The following DNAH3 variants were observed in gnomAD, a reference collection of about 807,000 sequenced individuals.
The protein encoded by DNAH3 is dynein axonemal heavy chain 3, also known as axonemal beta dynein heavy chain 3.
DNAH3 carries 332 observed loss-of-function variants against 432.5 expected under a neutral mutation model. The ratio of observed to expected loss-of-function variants is 0.77; its 90% CI spans 0.70 to 0.84. DNAH3 has a LOEUF of 0.84. Ranked by LOEUF, DNAH3 falls within the 40% of genes least tolerant of loss-of-function variation. DNAH3 has a pLI of 0.00. For synonymous variants in DNAH3, 1,956 were observed against 1,900.2 expected, an observed-to-expected ratio of 1.03 and a Z score of -0.76; for missense variants, 4,861 against 5,114.0, an observed-to-expected ratio of 0.95 and a Z score of 1.51.
intron 48 of DNAH3, among the ~76,000 whole-genome samples, chr16:20,983,251 G>A (rs2086002185): frequency 6.6e-6 from 1 of 152,054 alleles, no homozygotes; most frequent in Non-Finnish European, 1.5e-5. Context: ...TCAGCTTCCT[G>A]AGTAGCTGGG....
exon 3 of DNAH3, chr16:21,145,398 C>T: frequency 6.2e-7 from 1 of 1,613,880 alleles, no homozygotes; most frequent in Non-Finnish European, 8.5e-7. Flanking sequence ...AGCTGTGTGA[C>T]ATGACAGTCT....
chr16:20,961,651 G>A (rs1404773589), intron 53 of DNAH3, among the ~76,000 whole-genome samples: 1 of 151,674 alleles, frequency 6.6e-6, no homozygotes, highest in East Asian at 1.9e-4. Flanking sequence ...GACATAGGGA[G>A]AAGATGACCA....
chr16:21,132,051 A>T (rs2092572294), intron 7 of DNAH3, among the ~76,000 whole-genome samples: 2 of 152,150 alleles, frequency 1.3e-5, no homozygotes, highest in East Asian at 3.9e-4. Context: ...CTTTTTTCTC[A>T]ATGTCCTGAC....
intron 5 of DNAH3, among the ~76,000 whole-genome samples, chr16:21,136,852 A>G (rs2092649777): frequency 6.6e-6 from 1 of 152,042 alleles, no homozygotes; most frequent in Admixed American, 6.6e-5. Context: ...GAGGAATAAC[A>G]GGCCAGGTGT....
At chr16:21,136,387 G>C (rs770254435) in exon 6 of DNAH3, 1 of 1,613,940 alleles carries the variant, frequency 6.2e-7, no homozygotes, top group Non-Finnish European at 8.5e-7. Flanking sequence ...ACCACCATCA[G>C]GGGCTCCAGG....
chr16:21,040,135 C>T (rs181289325), intron 32 of DNAH3, among the ~76,000 whole-genome samples, 192 bp from the exon 33 acceptor site: 64 of 152,182 alleles, frequency 4.2e-4, no homozygotes, highest in African/African-American at 1.5e-3. Context: ...CTCAACCAAC[C>T]TCCCCACTGG....
In DNAH3 at chr16:21,106,689, C is replaced by A. The variant is rs759709877; in HGVS notation, c.2100-15G>T. The A allele has an allele frequency of 2.0e-6, 3 of 1,464,646 alleles. No homozygotes were observed. The highest frequency in any genetic ancestry group is 2.8e-6 in the Non-Finnish European group (3 of 1,087,738). The allele number at this position is 1,464,646 out of a possible 1,614,324, so 90.7% of individuals were successfully genotyped here. A position where few individuals can be genotyped will look rare whatever the true frequency, so the allele number is the denominator to read the frequency against. The stretch of plus-strand genomic sequence containing the variant: ...GATTACAAATGCTACAGAAAAGAAA[C>A]AGCCATTGTTATCATCATCATCATC... On this transcript the variant is annotated splice_polypyrimidine_tract_variant and intron_variant, in intron 14 of 61. Coordinates refer to ENST00000261383, the Ensembl canonical transcript of DNAH3.
chr16:20,949,034 G>T (rs113893989), intron 56 of DNAH3, among the ~76,000 whole-genome samples: 1 of 151,948 alleles, frequency 6.6e-6, no homozygotes, highest in Non-Finnish European at 1.5e-5. Flanking sequence ...TCCCTTTCCC[G>T]CTGAGAGCCA....
chr16:21,140,056 A>C (rs1407376570), intron 5 of DNAH3, among the ~76,000 whole-genome samples: 1 of 151,896 alleles, frequency 6.6e-6, no homozygotes, highest in Non-Finnish European at 1.5e-5. Context: ...AAGTGCTGGG[A>C]TTACAGGTGT....
intron 1 of DNAH3, among the ~76,000 whole-genome samples, chr16:21,148,434 TA>T (rs1483319506): frequency 8.2e-5 from 12 of 145,784 alleles, no homozygotes; most frequent in African/African-American, 3.1e-4. Flanking sequence ...TTATTATTAT[TA>T]TTATTTATTT....
chr16:21,010,382 G>A (rs1390583952), intron 41 of DNAH3, among the ~76,000 whole-genome samples: 1 of 152,110 alleles, frequency 6.6e-6, no homozygotes. Flanking sequence ...GGAAAATGAG[G>A]TAAACTTTTC....
In DNAH3 at chr16:21,045,226, T is replaced by C. The variant is rs1039541638; in HGVS notation, c.4462-3023A>G. Among the ~76,000 whole-genome samples the C allele has an allele frequency of 2.4e-3, 362 of 151,888 alleles. 1 individual carries two copies. The highest frequency in any genetic ancestry group is 8.2e-3 in the African/African-American group (342 of 41,508). ...GGAGGATTCCCTCTTTTTCTATTGA[T>C]TGGAATGGTTTCAGAAGGAATGGTA... On this transcript the variant is annotated intron_variant, in intron 31 of 61. Transcript: ENST00000261383.
intron 21 of DNAH3, among the ~76,000 whole-genome samples, chr16:21,072,246 AAT>A: frequency 8.2e-6 from 1 of 122,674 alleles, no homozygotes; most frequent in Non-Finnish European, 1.7e-5. Flanking sequence ...AATTAATTTT[AAT>A]TTTATTATTA....
intron 51 of DNAH3, among the ~76,000 whole-genome samples, chr16:20,973,528 C>T (rs1414092262): frequency 1.3e-5 from 2 of 152,222 alleles, no homozygotes; most frequent in African/African-American, 4.8e-5. Flanking sequence ...GCTGGGATTA[C>T]AGGCATGAGC....
At chr16:20,977,395 C>CA (rs2085645307) in intron 50 of DNAH3, among the ~76,000 whole-genome samples, 1 of 152,060 alleles carries the variant, frequency 6.6e-6, no homozygotes, top group South Asian at 2.1e-4. Context: ...CAAAAACAAA[C>CA]AAACAAACAA....
chr16:21,100,885 G>A (rs768546947), intron 16 of DNAH3, among the ~76,000 whole-genome samples: 13 of 152,102 alleles, frequency 8.5e-5, no homozygotes, highest in Admixed American at 6.5e-4. Flanking sequence ...CCTCCCAGAG[G>A]GCAACTGCAT....
intron 1 of DNAH3, among the ~76,000 whole-genome samples, chr16:21,158,954 C>G (rs917428252): frequency 6.6e-6 from 1 of 151,970 alleles, no homozygotes. Flanking sequence ...CACGAGGAGA[C>G]ACGATTCCTC....
At chr16:20,965,236 C>A in exon 53 of DNAH3, 1 of 1,613,302 alleles carries the variant, frequency 6.2e-7, no homozygotes, top group Non-Finnish European at 8.5e-7. Context: ...CTTGCACAGA[C>A]CCTCGCAGGC....
At chr16:21,007,983 C>T (rs952091189) in intron 41 of DNAH3, among the ~76,000 whole-genome samples, 3 of 152,182 alleles carry the variant, frequency 2.0e-5, no homozygotes, top group Non-Finnish European at 2.9e-5. Flanking sequence ...CATCTTGGCA[C>T]CATTGTCAAA....
Sources: allele counts gnomAD v4.1 joint callset (sites outside exome capture counted in the v4.1 genomes callset), GRCh38; gene constraint gnomAD v4.1.1; transcripts MANE v1.5; gene names NCBI Gene and HGNC (gene_info 2026-07-23, HGNC 2026-07-21).